The following SPTLC1 variants were observed in gnomAD, a reference collection of about 807,000 sequenced individuals.
SPTLC1 encodes serine palmitoyltransferase long chain base subunit 1, also known as serine palmitoyltransferase 1.
Under a neutral mutation model 68.9 loss-of-function variants are expected in SPTLC1, and 55 were observed. That is an observed-to-expected ratio of 0.80 (90% CI 0.64 to 1.00). The LOEUF is 1.00. SPTLC1 is among the 50% of genes least tolerant of loss of function. The pLI, the probability that SPTLC1 is intolerant of heterozygous loss-of-function variation, is 0.00. For synonymous variants in SPTLC1, 197 were observed against 201.6 expected, an observed-to-expected ratio of 0.98 and a Z score of 0.19; for missense variants, 449 against 573.1, an observed-to-expected ratio of 0.78 and a Z score of 2.21.
chr9:92,044,784 T>C (rs1227065089), intron 12 of SPTLC1, among the ~76,000 whole-genome samples: 1 of 152,082 alleles, frequency 6.6e-6, no homozygotes, highest in Non-Finnish European at 1.5e-5. Context: ...TGTGTAGATT[T>C]GTCAGGAAAT....
chr9:92,107,953 T>C (rs1836066441), intron 3 of SPTLC1: 2 of 152,180 alleles, frequency 1.3e-5, no homozygotes, highest in African/African-American at 4.8e-5. Flanking sequence ...AAATTATAAA[T>C]ATAGGCAAAG....
chr9:92,105,327 A>G, intron 3 of SPTLC1: 1 of 1,524,168 alleles, frequency 6.6e-7, no homozygotes, highest in South Asian at 1.2e-5. Context: ...GGACGCCTCC[A>G]GCAGGGCAAC....
chr9:92,044,912 G>A (rs971797872), intron 12 of SPTLC1, among the ~76,000 whole-genome samples: 31 of 152,194 alleles, frequency 2.0e-4, no homozygotes, highest in African/African-American at 7.2e-4. Flanking sequence ...GGTAAGTGGA[G>A]ATTAGACTTA....
At chr9:92,045,524 T>TAAAAAAAAAAAAAAAA (rs71362367) in intron 12 of SPTLC1, among the ~76,000 whole-genome samples, 1 of 31,638 alleles carries the variant, frequency 3.2e-5, no homozygotes, top group Non-Finnish European at 6.3e-5. Context: ...TCTTGTGTAG[T>TAAAAAAAAAAAAAAAA]AAAAAAAAAA....
chr9:92,109,174 A>C (rs946673038), intron 2 of SPTLC1: 3 of 212,020 alleles, frequency 1.4e-5, no homozygotes, highest in African/African-American at 6.8e-5. Flanking sequence ...CACTGACTAT[A>C]TATCAATGAT....
chr9:92,083,220 G>C (rs528031864), intron 3 of SPTLC1, among the ~76,000 whole-genome samples: 20 of 151,956 alleles, frequency 1.3e-4, no homozygotes, highest in African/African-American at 3.6e-4. Context: ...AGTTTCTTTT[G>C]CTGTGCAGAA....
intron 6 of SPTLC1, among the ~76,000 whole-genome samples, chr9:92,060,268 G>A (rs1246945774): frequency 6.6e-6 from 1 of 152,134 alleles, no homozygotes; most frequent in Non-Finnish European, 1.5e-5. Context: ...GGCACAATAT[G>A]AAAGTGTCTA....
intron 5 of SPTLC1, among the ~76,000 whole-genome samples, chr9:92,073,067 C>T (rs1284771282): frequency 6.6e-6 from 1 of 152,016 alleles, no homozygotes; most frequent in African/African-American, 2.4e-5. Flanking sequence ...CCTGCTCTGG[C>T]TTACAATTTG....
At chr9:92,109,683 T>C (rs1836151954) in intron 2 of SPTLC1, 1 of 152,346 alleles carries the variant, frequency 6.6e-6, no homozygotes, top group Admixed American at 6.5e-5. Flanking sequence ...AATTAAAATT[T>C]CATTTTAGGC....
chr9:92,107,003 G>C (rs1392925006), intron 3 of SPTLC1, among the ~76,000 whole-genome samples: 2 of 152,152 alleles, frequency 1.3e-5, no homozygotes, highest in African/African-American at 4.8e-5. Context: ...TGGGTAGTGA[G>C]ATTAAGTATC....
intron 12 of SPTLC1, among the ~76,000 whole-genome samples, chr9:92,040,323 T>C (rs909494931): frequency 6.6e-6 from 1 of 151,932 alleles, no homozygotes; most frequent in Non-Finnish European, 1.5e-5. Context: ...TGAGCTGAGA[T>C]CGTGCCACTG....
intron 8 of SPTLC1, chr9:92,051,108 A>G: frequency 1.0e-6 from 1 of 985,130 alleles, no homozygotes; most frequent in Non-Finnish European, 1.2e-6. Context: ...CCTCCCTCCC[A>G]TTATTCTATC....
At chr9:92,104,532 A>G in intron 3 of SPTLC1, 1 of 1,429,418 alleles carries the variant, frequency 7.0e-7, no homozygotes, top group Non-Finnish European at 9.5e-7. Flanking sequence ...TCTGCTCGCA[A>G]CTCCAGGATG....
chr9:92,075,353 C>G (rs780790548), intron 5 of SPTLC1, among the ~76,000 whole-genome samples: 8 of 152,120 alleles, frequency 5.3e-5, no homozygotes, highest in Non-Finnish European at 7.4e-5. Context: ...GCCATCCTAA[C>G]CAAACCACTC....
intron 3 of SPTLC1, among the ~76,000 whole-genome samples, chr9:92,088,180 C>T (rs1401972239): frequency 6.6e-6 from 1 of 152,258 alleles, no homozygotes; most frequent in Non-Finnish European, 1.5e-5. Flanking sequence ...AAGGGAACTC[C>T]CTGACCCCTT....
In SPTLC1 at chr9:92,040,586, C is replaced by G. The variant is rs918730363; in HGVS notation, c.1137-2221G>C. Among the ~76,000 whole-genome samples, 7 of 149,874 alleles carry G rather than the reference C, an allele frequency of 4.7e-5. 1 individual carries two copies. The highest frequency in any genetic ancestry group is 3.3e-4 in the Admixed American group (5 of 15,078). On this transcript the variant is annotated intron_variant, in intron 12 of 14. Coordinates refer to ENST00000262554, the MANE Select transcript of SPTLC1 (RefSeq NM_006415.4). ...CAGCCTGACCAATGTGGTGAAACCC[C>G]GTCTCTACTAAAAATACAAAAATTA... is the stretch of plus-strand genomic sequence containing the variant.
Position 92,038,004 on chromosome 9 carries a change from A to G in SPTLC1, c.1254+244T>C, listed in dbSNP as rs576117913. Among the ~76,000 whole-genome samples the G allele has an allele frequency of 6.4e-4, 98 of 152,320 alleles. 3 individuals are homozygous for G. The highest frequency in any genetic ancestry group is 4.1e-4 in the South Asian group (2 of 4,826). ...TAAATGCAAAGTGGTACAAAACACA[A>G]TATCTTTGGAGGGAGCCACACATTG... is the stretch of plus-strand genomic sequence containing the variant. On this transcript the variant is annotated intron_variant, in intron 13 of 14. Coordinates refer to ENST00000262554, the MANE Select transcript of SPTLC1 (RefSeq NM_006415.4).
chr9:92,115,355 C>T lies in SPTLC1; in HGVS notation c.16G>A (p.Glu6Lys), dbSNP rs1156801045. The change falls in exon 1 of 15, where the codon GAG becomes AAG. Residue 6 changes from glutamate (E) to lysine (K), a missense_variant. Transcript: ENST00000262554. Reference sequence around the variant, plus strand: ...ACCATCTCCACCAGAACCCACTGCTCCGTGGCGGTCGCCATAGTTAGCCGC... The same window carrying T: ...ACCATCTCCACCAGAACCCACTGCTTCGTGGCGGTCGCCATAGTTAGCCGC... Reference protein sequence around the residue: MATATEQWVLVEMVQA... With the variant: MATATKQWVLVEMVQA... The T allele has an allele frequency of 6.2e-7, 1 of 1,613,014 alleles. No homozygotes were observed. The highest frequency in any genetic ancestry group is 2.2e-5 in the East Asian group (1 of 44,878).
chr9:92,085,407 C>T (rs1490593397), intron 3 of SPTLC1, among the ~76,000 whole-genome samples: 13 of 151,578 alleles, frequency 8.6e-5, no homozygotes, highest in South Asian at 8.5e-4. Context: ...CTACACACTG[C>T]TTTGAATGTG....
Sources: allele counts gnomAD v4.1 joint callset (sites outside exome capture counted in the v4.1 genomes callset), GRCh38; gene constraint gnomAD v4.1.1; transcripts MANE v1.5; gene names NCBI Gene and HGNC (gene_info 2026-07-23, HGNC 2026-07-21).